The following NRXN3 variants were observed in gnomAD, a reference collection of about 807,000 sequenced individuals.
The protein encoded by NRXN3 is neurexin III.
NRXN3 carries 32 observed loss-of-function variants against 137.6 expected under a neutral mutation model. The ratio of observed to expected loss-of-function variants is 0.23; its 90% confidence interval spans 0.18 to 0.31. The LOEUF (loss-of-function observed/expected upper bound fraction) is 0.31. Ranked by LOEUF, NRXN3 falls within the 10% of genes least tolerant of loss-of-function variation. The pLI, the probability that NRXN3 is intolerant of heterozygous loss-of-function variation, is 1.00. For synonymous variants in NRXN3, 798 were observed against 784.5 expected (o/e 1.02, Z -0.29); for missense variants, 1,574 against 2,062.5 (o/e 0.76, Z 4.59).
chr14:79,217,251 A>T lies in NRXN3; in HGVS notation c.3262+229110A>T, dbSNP rs149531397. Among the ~76,000 whole-genome samples, 176 of 152,298 alleles carry T rather than the reference A, an allele frequency of 1.2e-3. 1 individual carries two copies. The highest frequency in any genetic ancestry group is 4.1e-3 in the African/African-American group (169 of 41,562). On this transcript the variant is annotated intron_variant, in intron 15 of 20. Transcript: ENST00000335750. ...CTTAGCTTCTGGTGAGGTCTCAGGG[A>T]GGTTTTACTCATGGTGGAAGGCGAA...
rs77048121 is a variant in NRXN3, at chr14:78,704,376, C to G, written c.1222-4841C>G. Among the ~76,000 whole-genome samples, 1,421 of 152,108 alleles carry G rather than the reference C, an allele frequency of 9.3e-3. 20 individuals carry two copies. Among genetic ancestry groups the G allele is most frequent in the African/African-American group, 0.031 (1,283 of 41,492 alleles). On this transcript the variant is annotated intron_variant, in intron 6 of 20. Transcript: ENST00000335750. ...TTTGAAAATCCTAGGGAAGGAGCACCATTTAGAGAGGCTGGAGAGAAGAGA... is the reference window on the plus strand; with the variant it reads ...TTTGAAAATCCTAGGGAAGGAGCACGATTTAGAGAGGCTGGAGAGAAGAGA...
intron 4 of NRXN3, among the ~76,000 whole-genome samples, chr14:78,311,999 C>T (rs1235064292): frequency 1.3e-5 from 2 of 152,086 alleles, no homozygotes; most frequent in Admixed American, 6.6e-5. Flanking sequence ...AAATTTGTAG[C>T]ACAATCGGGA....
chr14:79,059,258 T>A (rs891297242), intron 15 of NRXN3, among the ~76,000 whole-genome samples: 1 of 34,652 alleles, frequency 2.9e-5, no homozygotes, highest in East Asian at 3.0e-3. Flanking sequence ...TTCTTTTTTT[T>A]TTTTTTTTTT....
chr14:79,831,541 A>G (rs2099323639), intron 20 of NRXN3, among the ~76,000 whole-genome samples: 1 of 152,140 alleles, frequency 6.6e-6, no homozygotes, highest in Admixed American at 6.6e-5. Flanking sequence ...GGCATTGTGT[A>G]TGGTTTTATT....
chr14:78,969,149 A>G (rs1213485368), intron 14 of NRXN3, among the ~76,000 whole-genome samples: 1 of 152,234 alleles, frequency 6.6e-6, no homozygotes, highest in African/African-American at 2.4e-5. Context: ...ATATTATTTT[A>G]TGTCAAACAT....
intron 2 of NRXN3, among the ~76,000 whole-genome samples, chr14:78,259,847 T>C (rs1362393702): frequency 6.6e-6 from 1 of 152,154 alleles, no homozygotes; most frequent in Non-Finnish European, 1.5e-5. Flanking sequence ...TGTGTGTTGC[T>C]GTTCAGCAAT....
intron 4 of NRXN3, among the ~76,000 whole-genome samples, chr14:78,586,826 A>G (rs537852501): frequency 9.8e-5 from 15 of 152,338 alleles, no homozygotes; most frequent in South Asian, 2.1e-4. Context: ...CGGCAAATCC[A>G]TCTTTATGAG....
intron 15 of NRXN3, chr14:79,279,860 A>C (rs1330841116): frequency 9.9e-7 from 1 of 1,011,696 alleles, no homozygotes; most frequent in Admixed American, 5.3e-5. Flanking sequence ...ACCTGAACCC[A>C]CTTGGGTTCG....
At chr14:78,692,037 A>C (rs1456180873) in intron 6 of NRXN3, among the ~76,000 whole-genome samples, 1 of 152,144 alleles carries the variant, frequency 6.6e-6, no homozygotes, top group Non-Finnish European at 1.5e-5. Flanking sequence ...TTAATTATGT[A>C]CTATTATTTA....
At chr14:78,317,885 G>A (rs893672466) in intron 4 of NRXN3, among the ~76,000 whole-genome samples, 6 of 152,148 alleles carry the variant, frequency 3.9e-5, no homozygotes, top group Non-Finnish European at 5.9e-5. Flanking sequence ...CCTATCCTGA[G>A]TATAATTGAA....
chr14:78,831,546 A>C (rs2098982176), intron 10 of NRXN3, among the ~76,000 whole-genome samples: 1 of 150,854 alleles, frequency 6.6e-6, no homozygotes, highest in African/African-American at 2.4e-5. Flanking sequence ...AAAAAAAAAA[A>C]AAAAAAAAAA....
At chr14:78,617,167 A>G (rs951710503) in intron 4 of NRXN3, among the ~76,000 whole-genome samples, 1 of 152,214 alleles carries the variant, frequency 6.6e-6, no homozygotes, top group Non-Finnish European at 1.5e-5. Context: ...GATGAAGGCT[A>G]TGATTAATAC....
intron 20 of NRXN3, among the ~76,000 whole-genome samples, chr14:79,846,126 A>T (rs1008233143): frequency 5.9e-5 from 9 of 152,320 alleles, no homozygotes; most frequent in Middle Eastern, 3.4e-3. Flanking sequence ...AATTACCAAA[A>T]TGTAACACAG....
chr14:78,668,844 G>A (rs1014557138), intron 6 of NRXN3, among the ~76,000 whole-genome samples: 1 of 152,126 alleles, frequency 6.6e-6, no homozygotes, highest in Non-Finnish European at 1.5e-5. Context: ...ATTGGCCCCA[G>A]AGGGTTAGTT....
chr14:79,796,041 G>A lies in NRXN3; in HGVS notation c.4015-9071G>A, dbSNP rs554521881. Among the ~76,000 whole-genome samples the A allele has an allele frequency of 1.4e-4, 21 of 152,190 alleles. No homozygotes were observed. The South Asian group carries it at 4.1e-3, about 30-fold the overall frequency. ...TAAATACTCAAAATGAGTATTTGTG[G>A]TGAAAACAAAAGAGCTGACAGTGGA... is the stretch of plus-strand genomic sequence containing the variant. On this transcript the variant is annotated intron_variant, in intron 19 of 20. Transcript: ENST00000335750.
intron 16 of NRXN3, among the ~76,000 whole-genome samples, chr14:79,487,387 G>A (rs1266097326): frequency 2.6e-5 from 4 of 151,868 alleles, no homozygotes; most frequent in East Asian, 3.9e-4. Context: ...TTTCCTACCC[G>A]CTTTACAAAA....
intron 15 of NRXN3, among the ~76,000 whole-genome samples, chr14:79,324,373 C>T (rs146062569): frequency 1.3e-5 from 2 of 152,236 alleles, no homozygotes; most frequent in East Asian, 3.9e-4. Flanking sequence ...TAATAATCAC[C>T]AAATATCAAT....
At chr14:79,247,952 C>T (rs1204717673) in intron 15 of NRXN3, among the ~76,000 whole-genome samples, 2 of 152,212 alleles carry the variant, frequency 1.3e-5, no homozygotes, top group African/African-American at 4.8e-5. Context: ...CACCCTCTCT[C>T]ATAGCTTGTG....
intron 15 of NRXN3, among the ~76,000 whole-genome samples, chr14:79,204,232 C>T (rs923604444): frequency 6.6e-6 from 1 of 151,842 alleles, no homozygotes; most frequent in South Asian, 2.1e-4. Context: ...ATTTTAGTTA[C>T]ATTTATAATT....
Sources: allele counts gnomAD v4.1 joint callset (sites outside exome capture counted in the v4.1 genomes callset), GRCh38; gene constraint gnomAD v4.1.1; transcripts MANE v1.5; gene names NCBI Gene and HGNC (gene_info 2026-07-23, HGNC 2026-07-21).